Variants in LRRC43 observed in about 807,000 individuals in gnomAD.
The protein encoded by LRRC43 is leucine-rich repeat-containing protein 43.
In LRRC43, 62 loss-of-function variants were observed where a neutral mutation model predicts 64.3. The ratio of observed to expected loss-of-function variants is 0.96; its 90% CI spans 0.79 to 1.19. LRRC43 has a LOEUF of 1.19. Ranked by LOEUF, LRRC43 falls within the 50% of genes most tolerant of loss-of-function variation. LRRC43 has a pLI of 0.00. For synonymous variants in LRRC43, 422 were observed against 382.3 expected (o/e 1.10, Z -1.21); for missense variants, 868 against 845.0 (o/e 1.03, Z -0.34).
At chr12:122,176,995 C>T (rs1953541994) in intron 1 of LRRC43, among the ~76,000 whole-genome samples, 1 of 152,102 alleles carries the variant, frequency 6.6e-6, no homozygotes, top group South Asian at 2.1e-4. Flanking sequence ...CCCAAACTGC[C>T]ACAATATGGC....
At chr12:122,186,775 C>T (rs956033770) in intron 3 of LRRC43, among the ~76,000 whole-genome samples, 1 of 152,102 alleles carries the variant, frequency 6.6e-6, no homozygotes, top group African/African-American at 2.4e-5. Context: ...AAAAATTAGC[C>T]GGGTGTGGTG....
At chr12:122,195,471 G>A (rs1196136607) in intron 7 of LRRC43, among the ~76,000 whole-genome samples, 2 of 152,006 alleles carry the variant, frequency 1.3e-5, no homozygotes, top group Non-Finnish European at 2.9e-5. Context: ...GAACTCCTGA[G>A]CTCAAGTGGT....
rs1322121038 is a variant in LRRC43 at position 122,184,703 on chromosome 12, C to T, written c.335C>T (p.Ala112Val). 6.2e-7 allele frequency: 1 copy of T among 1,613,930 alleles called. No individual in the cohort carries two copies. The highest frequency in any genetic ancestry group is 8.5e-7 in the Non-Finnish European group (1 of 1,179,870). Residue 112 changes from alanine (A) to valine (V), a missense_variant, in exon 2 of 12, where the codon GCC becomes GTC. Physicochemically the swap from Ala to Val is moderately conservative, Grantham distance 64. Transcript: ENST00000339777. This position sits in a 1 kb window ranked among gnomAD's most constrained non-coding sequence, Gnocchi z 4.0. The part of the protein sequence containing the change: ...NAEDSFLREL[A>V]IRNPLTITDT... ...GAAGACAGTTTCCTGAGAGAATTGG[C>T]CATCCGGAACCCGCTGACGATCACA...
At chr12:122,173,408 G>A (rs1953506669) in intron 1 of LRRC43, among the ~76,000 whole-genome samples, 1 of 152,240 alleles carries the variant, frequency 6.6e-6, no homozygotes, top group African/African-American at 2.4e-5. Flanking sequence ...TCTTGGCTGG[G>A]CACAGTGGCT....
chr12:122,190,057 G>C, intron 4 of LRRC43, 73 bp from the exon 5 acceptor site: 2 of 1,261,692 alleles, frequency 1.6e-6, no homozygotes, highest in East Asian at 4.6e-5. Context: ...CTCCCCGTCC[G>C]TTTTGGCCAC....
chr12:122,181,228 A>G (rs991674219), upstream of LRRC43, among the ~76,000 whole-genome samples: 12 of 151,630 alleles, frequency 7.9e-5, no homozygotes, highest in African/African-American at 2.7e-4. Context: ...AAAAAAAAAA[A>G]AGGATATTTT....
chr12:122,186,375 AG>A, intron 3 of LRRC43, 75 bp downstream of exon 3: 4 of 918,892 alleles, frequency 4.4e-6, no homozygotes, highest in Non-Finnish European at 5.2e-6. Flanking sequence ...TGCCCCACAT[AG>A]TGTGGCCAGC....
chr12:122,175,963 G>A (rs1026109050), intron 1 of LRRC43, among the ~76,000 whole-genome samples: 2 of 152,094 alleles, frequency 1.3e-5, no homozygotes, highest in African/African-American at 2.4e-5. Context: ...GACTGCACCC[G>A]GCCTCCTTAT....
chr12:122,179,760 C>G (rs1003877742), upstream of LRRC43, among the ~76,000 whole-genome samples: 4 of 151,664 alleles, frequency 2.6e-5, no homozygotes, highest in Admixed American at 1.3e-4. Flanking sequence ...ATCACGAGGT[C>G]AAAAGGTCGA....
In LRRC43 at chr12:122,183,216, C is replaced by A; in HGVS notation, c.72C>A (p.Thr24=). The part of the protein sequence containing the change: ...EAGPGTQRPG[T]GTVSAAVREH... The stretch of plus-strand genomic sequence containing the variant: ...GGCCTGGGACTCAGCGGCCCGGGAC[C>A]GGGACCGTGAGCGCGGCCGTGCGCG... Residue 24 remains threonine (T), a synonymous_variant, in exon 1 of 12, where the codon ACC becomes ACA. Coordinates refer to ENST00000339777, the MANE Select transcript of LRRC43 (RefSeq NM_001098519.2). The A allele has an allele frequency of 1.3e-6, 2 of 1,564,688 alleles. No homozygotes were observed. Among genetic ancestry groups the A allele is most frequent in the Non-Finnish European group, 1.7e-6 (2 of 1,164,382 alleles).
chr12:122,198,918 C>T (rs1387646280), intron 7 of LRRC43, among the ~76,000 whole-genome samples: 1 of 151,836 alleles, frequency 6.6e-6, no homozygotes, highest in Admixed American at 6.6e-5. Context: ...CAGGCATGAG[C>T]CACTGAGCCC....
chr12:122,197,272 T>C (rs370650278), intron 7 of LRRC43, among the ~76,000 whole-genome samples: 122 of 152,332 alleles, frequency 8.0e-4, no homozygotes, highest in African/African-American at 2.7e-3. Context: ...GCAATTCTCC[T>C]GCCTTAGCCT....
chr12:122,190,243 C>T lies in LRRC43; in HGVS notation c.776C>T (p.Pro259Leu), dbSNP rs772961895. ...HLRLLVLQGN[P>L]LALVPYYRGL... is the part of the protein sequence containing the mutation. ...CGACTCCTGGTGCTGCAGGGAAACC[C>T]ACTGGCCTTGGTGCCCTACTACCGC... Residue 259 changes from proline (P) to leucine (L), a missense_variant, in exon 5 of 12, where the codon CCA becomes CTA. Pro to Leu is a moderately conservative substitution (Grantham distance 98, BLOSUM62 -3). Transcript: ENST00000339777. 6.2e-7 allele frequency: 1 copy of T among 1,614,182 alleles called. No individual in the cohort carries two copies. Among genetic ancestry groups the T allele is most frequent in the South Asian group, 1.1e-5 (1 of 91,082 alleles).
In LRRC43 at chr12:122,189,281, G is replaced by A. The variant is rs191943565; in HGVS notation, c.663-849G>A. 2.2e-5 allele frequency: 8 copies of A among 364,442 alleles called. No individual in the cohort carries two copies. The East Asian group carries it at 2.2e-4, about 10-fold the overall frequency. 22.6% of individuals were successfully genotyped at this position (364,442 alleles called of 1,614,324 possible). On this transcript the variant is annotated intron_variant, in intron 4 of 11. Transcript: ENST00000339777. ...ACCACCTCCCCTCTCTCCTTCCCCC[G>A]AGGAACCTGGAGGGCATGCCCTTGG...
intron 4 of LRRC43, among the ~76,000 whole-genome samples, chr12:122,188,395 C>G (rs1001817781): frequency 9.9e-5 from 15 of 151,922 alleles, no homozygotes; most frequent in African/African-American, 3.4e-4. Flanking sequence ...GCGTGAGCCA[C>G]TGTGCCCGGC....
intron 5 of LRRC43, 147 bp downstream of exon 5, chr12:122,190,515 G>A: frequency 1.6e-6 from 1 of 643,626 alleles, no homozygotes; most frequent in South Asian, 1.9e-5. Context: ...CTCTCTTCTG[G>A]GTCAGAGCTT....
rs745508079 is a variant in LRRC43 at position 122,191,405 on chromosome 12, T to C, written c.927T>C (p.Phe309=). 51 of 1,613,214 alleles carry C rather than the reference T, an allele frequency of 3.2e-5. No individual in the cohort carries two copies. The highest frequency in any genetic ancestry group is 3.8e-5 in the Non-Finnish European group (45 of 1,179,732). ...ATCTCTTGGCACAGGAGGCGCAGTT[T>C]GTGGTGACCATCGGAAACATCAGAG... The part of the protein sequence containing the change: ...NGDLLAQEAQ[F]VVTIGNIRGV... Residue 309 remains phenylalanine (F), a synonymous_variant, in exon 6 of 12, where the codon TTT becomes TTC. Transcript: ENST00000339777.
chr12:122,200,157 G>A lies in LRRC43; in HGVS notation c.1350-32G>A, dbSNP rs747548268. On this transcript the variant is annotated intron_variant, in intron 7 of 11. Transcript: ENST00000339777. The surrounding 1 kb of genome is among the most constrained non-coding windows in gnomAD (Gnocchi z 4.6). ...TCCCTGGCCACAGCCCCTGGGTGAC[G>A]GCACCCCCGTCTTCATCCCTCCCTC... 6.9e-6 allele frequency: 11 copies of A among 1,603,234 alleles called. No individual in the cohort carries two copies. The highest frequency in any genetic ancestry group is 1.7e-5 in the Admixed American group (1 of 58,684).
chr12:122,200,408 C>G lies in LRRC43; in HGVS notation c.1491+78C>G. On this transcript the variant is annotated intron_variant, in intron 8 of 11. Transcript: ENST00000339777. The surrounding 1 kb of genome is among the most constrained non-coding windows in gnomAD (Gnocchi z 4.6). The stretch of plus-strand genomic sequence containing the variant: ...GTTCCTGTTCCCATCGGGCTGTCCC[C>G]CATGGGAGCCGCACTCCCTGGTTAG... 1 of 1,607,796 alleles carries G rather than the reference C, an allele frequency of 6.2e-7. No homozygotes were observed. The highest frequency in any genetic ancestry group is 1.1e-5 in the South Asian group (1 of 90,704).
Sources: gnomAD v4.1 joint callset for allele counts (sites outside exome capture counted in the v4.1 genomes callset) on GRCh38, gnomAD v4.1.1 for gene constraint, Gnocchi (gnomAD v3.1) non-coding constraint, MANE v1.5 for transcripts, NCBI Gene and HGNC (gene_info 2026-07-23, HGNC 2026-07-21) for gene names.